Variants in SUPT3H observed in about 807,000 individuals in gnomAD.
SUPT3H encodes transcription initiation protein SPT3 homolog.
Under a neutral mutation model 44.3 loss-of-function variants are expected in SUPT3H, and 44 were observed. That is an observed-to-expected ratio of 0.99 (90% CI 0.78 to 1.28). The LOEUF is 1.28. SUPT3H is among the 50% of genes most tolerant of loss of function. The pLI is 0.00. For synonymous variants in SUPT3H, 124 were observed against 125.6 expected, an observed-to-expected ratio of 0.99 and a Z score of 0.09; for missense variants, 380 against 387.1, an observed-to-expected ratio of 0.98 and a Z score of 0.15.
At chr6:44,926,864 T>C (rs768484741) in intron 10 of SUPT3H, among the ~76,000 whole-genome samples, 1 of 152,160 alleles carries the variant, frequency 6.6e-6, no homozygotes, top group East Asian at 1.9e-4. Flanking sequence ...ATAAAACTGA[T>C]AATATTCAAC....
At chr6:45,133,556 G>GA (rs983622378) in intron 2 of SUPT3H, among the ~76,000 whole-genome samples, 7 of 152,064 alleles carry the variant, frequency 4.6e-5, no homozygotes, top group Non-Finnish European at 1.5e-5. Context: ...TGACAAAACT[G>GA]AAAAACAACA....
At chr6:44,886,025 G>T (rs1428806865) in intron 10 of SUPT3H, among the ~76,000 whole-genome samples, 1 of 152,156 alleles carries the variant, frequency 6.6e-6, no homozygotes, top group Non-Finnish European at 1.5e-5. Flanking sequence ...AGTGATGGAA[G>T]ATGAAATGAA....
intron 2 of SUPT3H, among the ~76,000 whole-genome samples, chr6:45,214,590 T>C (rs1764723113): frequency 6.6e-6 from 1 of 152,178 alleles, no homozygotes; most frequent in Non-Finnish European, 1.5e-5. Flanking sequence ...CACACATCTG[T>C]AATCCCAGCT....
chr6:45,244,053 T>C (rs1182558349), intron 2 of SUPT3H, among the ~76,000 whole-genome samples: 3 of 152,090 alleles, frequency 2.0e-5, no homozygotes, highest in Non-Finnish European at 4.4e-5. Context: ...GGCTAATTTT[T>C]TTCTATTTTT....
intron 10 of SUPT3H, among the ~76,000 whole-genome samples, chr6:44,848,038 C>T (rs932709480): frequency 7.9e-6 from 1 of 126,430 alleles, no homozygotes; most frequent in African/African-American, 3.0e-5. Context: ...ATGATCTTGA[C>T]TCACTGCAAC....
In SUPT3H at chr6:45,020,128, T is replaced by G. The variant is rs1030273806; in HGVS notation, c.273+418A>C. Among the ~76,000 whole-genome samples, 4 of 151,988 alleles carry G rather than the reference T, an allele frequency of 2.6e-5. No individual in the cohort carries two copies. In the South Asian group the frequency reaches 6.2e-4, roughly 24 times the overall value. On this transcript the variant is annotated intron_variant, in intron 4 of 10. Coordinates refer to ENST00000371459, the MANE Select transcript of SUPT3H (RefSeq NM_003599.4). ...TTTTCAATAAGGTAGAGCTACAGAC[T>G]AAACTTTGTATTTCAGGCTTAAAAA...
intron 2 of SUPT3H, among the ~76,000 whole-genome samples, chr6:45,205,142 C>G (rs1584244924): frequency 6.6e-6 from 1 of 152,178 alleles, no homozygotes; most frequent in Non-Finnish European, 1.5e-5. Flanking sequence ...CCTGCCCAAA[C>G]TAGCTACTCA....
chr6:44,887,501 C>T (rs9463051), intron 10 of SUPT3H, among the ~76,000 whole-genome samples: 17,793 of 152,168 alleles, frequency 0.12, 1,225 homozygotes, highest in African/African-American at 0.19. Context: ...AACTGAACAA[C>T]CTGCTCCTGA....
chr6:45,220,524 T>C lies in SUPT3H; in HGVS notation c.102-114518A>G, dbSNP rs1584333518. 4.6e-5 allele frequency among the ~76,000 whole-genome samples: 7 copies of C among 152,210 alleles called. No homozygotes were observed. In the South Asian group the frequency reaches 1.5e-3, roughly 32 times the overall value. On this transcript the variant is annotated intron_variant, in intron 2 of 10. Coordinates refer to ENST00000371459, the MANE Select transcript of SUPT3H (RefSeq NM_003599.4). ...TAAAATTAGTAACAAGGCAAAGATA[T>C]CCACTCTCCCCACTCTTTCTCAACA...
intron 10 of SUPT3H, among the ~76,000 whole-genome samples, chr6:44,915,237 G>A (rs967780678): frequency 2.6e-5 from 4 of 152,132 alleles, no homozygotes; most frequent in African/African-American, 9.7e-5. Flanking sequence ...CCACTGGGGA[G>A]AAAGAAACAC....
At chr6:45,111,827 CAAACT>C (rs2153574618) in intron 2 of SUPT3H, among the ~76,000 whole-genome samples, 1 of 152,130 alleles carries the variant, frequency 6.6e-6, no homozygotes, top group African/African-American at 2.4e-5. Context: ...GAAATAGCAC[CAAACT>C]AAATGACCAG....
chr6:44,863,841 A>T (rs1209900363), intron 10 of SUPT3H, among the ~76,000 whole-genome samples: 1 of 152,140 alleles, frequency 6.6e-6, no homozygotes, highest in African/African-American at 2.4e-5. Flanking sequence ...GGCAAGAGAG[A>T]GAATAAGAGT....
chr6:44,937,631 G>A (rs749320175), intron 9 of SUPT3H, among the ~76,000 whole-genome samples: 4 of 152,106 alleles, frequency 2.6e-5, no homozygotes, highest in Non-Finnish European at 4.4e-5. Flanking sequence ...TCTGATTGGT[G>A]TAAAATGATA....
At chr6:45,159,287 T>C (rs1265830114) in intron 2 of SUPT3H, 1 of 152,208 alleles carries the variant, frequency 6.6e-6, no homozygotes, top group Non-Finnish European at 1.5e-5. Flanking sequence ...AGGTGAAAGA[T>C]TGTTACTGGG....
chr6:44,812,320 C>T (rs113477015), intron 11 of SUPT3H, among the ~76,000 whole-genome samples: 2 of 152,128 alleles, frequency 1.3e-5, no homozygotes, highest in East Asian at 1.9e-4. Flanking sequence ...TCTCCATTTT[C>T]GAGCCGTCTG....
chr6:44,836,060 C>T (rs1030398414), intron 10 of SUPT3H, among the ~76,000 whole-genome samples: 1 of 151,972 alleles, frequency 6.6e-6, no homozygotes, highest in African/African-American at 2.4e-5. Flanking sequence ...TAAAATATGC[C>T]CCTTTCTTTG....
At chr6:45,345,095 G>A (rs1186737282) in intron 2 of SUPT3H, among the ~76,000 whole-genome samples, 1 of 152,104 alleles carries the variant, frequency 6.6e-6, no homozygotes, top group Admixed American at 6.6e-5. Flanking sequence ...ACTCATCTGC[G>A]CTGCCTCACA....
chr6:44,915,810 G>A (rs190953717), intron 10 of SUPT3H, among the ~76,000 whole-genome samples: 15 of 152,060 alleles, frequency 9.9e-5, no homozygotes, highest in South Asian at 4.2e-4. Context: ...AAGGTGTCCC[G>A]CCTTTCTGGA....
At chr6:44,823,122 A>ATT (rs200361563), downstream of SUPT3H, among the ~76,000 whole-genome samples, 14 of 116,116 alleles carry the variant, frequency 1.2e-4, no homozygotes, top group East Asian at 9.7e-4. Flanking sequence ...AAAAAAAAAA[A>ATT]TTTTTTTCTA....
Sources: gnomAD v4.1 joint callset for allele counts (sites outside exome capture counted in the v4.1 genomes callset) on GRCh38, gnomAD v4.1.1 for gene constraint, MANE v1.5 for transcripts, NCBI Gene and HGNC (gene_info 2026-07-23, HGNC 2026-07-21) for gene names.